Variants in TMTC1 observed in about 807,000 individuals in gnomAD.
TMTC1 encodes the protein protein O-mannosyl-transferase TMTC1.
In TMTC1, 73 loss-of-function variants were observed where a neutral mutation model predicts 104.8. The observed-to-expected ratio is 0.70, with a 90% CI of 0.58 to 0.85. The LOEUF (loss-of-function observed/expected upper bound fraction) is 0.85, where lower values mean the gene tolerates loss of function less well. TMTC1 is among the 40% of genes least tolerant of loss of function. The pLI is 0.00. For synonymous variants in TMTC1, 434 were observed against 428.7 expected, an observed-to-expected ratio of 1.01 and a Z score of -0.15; for missense variants, 1,035 against 1,096.1, an observed-to-expected ratio of 0.94 and a Z score of 0.79.
At chr12:29,579,174 A>C (rs1945907158) in intron 8 of TMTC1, among the ~76,000 whole-genome samples, 1 of 152,166 alleles carries the variant, frequency 6.6e-6, no homozygotes. Flanking sequence ...TGCTTAACCA[A>C]ATCAGTACCA....
chr12:29,726,097 G>C (rs569659536), intron 5 of TMTC1, among the ~76,000 whole-genome samples: 1 of 152,164 alleles, frequency 6.6e-6, no homozygotes, highest in Admixed American at 6.5e-5. Context: ...AACATACACC[G>C]TGTTCTGGTT....
At chr12:29,729,930 A>G (rs562247699) in intron 5 of TMTC1, among the ~76,000 whole-genome samples, 37 of 152,320 alleles carry the variant, frequency 2.4e-4, no homozygotes, top group Non-Finnish European at 5.0e-4. Flanking sequence ...AGGGATAAAT[A>G]TAATTTCCTC....
intron 2 of TMTC1, among the ~76,000 whole-genome samples, chr12:29,764,886 A>G (rs1346998991): frequency 2.6e-5 from 4 of 152,122 alleles, no homozygotes; most frequent in Non-Finnish European, 5.9e-5. Context: ...AACCTTAACC[A>G]GTTCCTGATC....
intron 3 of TMTC1, among the ~76,000 whole-genome samples, chr12:29,757,807 A>G (rs1943249814): frequency 6.6e-6 from 1 of 152,210 alleles, no homozygotes; most frequent in South Asian, 2.1e-4. Flanking sequence ...GGATGGCGGC[A>G]GGCAAAGAGA....
At chr12:29,532,662 T>TA (rs1209862188) in intron 11 of TMTC1, 3 of 151,464 alleles carry the variant, frequency 2.0e-5, no homozygotes, top group African/African-American at 7.3e-5. Context: ...AAGAGATGCA[T>TA]ATTAAAGAAT....
intron 9 of TMTC1, among the ~76,000 whole-genome samples, chr12:29,569,443 C>T (rs1352761668): frequency 6.6e-6 from 1 of 152,144 alleles, no homozygotes; most frequent in African/African-American, 2.4e-5. Context: ...TTGCATTTCC[C>T]TAATCACTCT....
At chr12:29,527,226 G>C (rs544392887) in intron 11 of TMTC1, among the ~76,000 whole-genome samples, 2 of 152,324 alleles carry the variant, frequency 1.3e-5, no homozygotes, top group South Asian at 4.1e-4. Flanking sequence ...TATTCCTTGA[G>C]GGAGAAGAGG....
chr12:29,746,253 T>A (rs1417447996), intron 5 of TMTC1, among the ~76,000 whole-genome samples: 3 of 152,226 alleles, frequency 2.0e-5, no homozygotes, highest in Non-Finnish European at 4.4e-5. Context: ...TTCAGTCATT[T>A]CATTTTTGAA....
chr12:29,597,469 C>G (rs1268032203), intron 7 of TMTC1, among the ~76,000 whole-genome samples: 7 of 151,806 alleles, frequency 4.6e-5, no homozygotes, highest in Non-Finnish European at 8.8e-5. Context: ...GCTTCCTGAC[C>G]ACTTTTGTAG....
intron 10 of TMTC1, among the ~76,000 whole-genome samples, chr12:29,554,592 GAC>G (rs1945189491): frequency 6.6e-6 from 1 of 152,176 alleles, no homozygotes; most frequent in Admixed American, 6.5e-5. Context: ...AAGCAGGCCA[GAC>G]ACAGTGTCTC....
chr12:29,507,027 C>T (rs749389536), intron 17 of TMTC1, 41 bp from the exon 18 acceptor site: 2 of 1,572,260 alleles, frequency 1.3e-6, no homozygotes, highest in Non-Finnish European at 1.8e-6. Context: ...TCTGATCCAT[C>T]ACAAAACTCT....
chr12:29,661,484 C>G, intron 5 of TMTC1: 1 of 203,894 alleles, frequency 4.9e-6, no homozygotes, highest in Non-Finnish European at 8.0e-6. Context: ...TGCAGTGGTG[C>G]GATCTCAGCT....
At position 29,517,498 on chromosome 12, in the gene TMTC1, C is replaced by T. The variant is rs544122742; in HGVS notation, c.2098G>A (p.Glu700Lys). 1.3e-5 allele frequency: 21 copies of T among 1,614,106 alleles called. No individual in the cohort carries two copies. Among genetic ancestry groups the T allele is most frequent in the East Asian group, 6.7e-5 (3 of 44,876 alleles). Reference sequence around the variant, plus strand: ...TCCTGGTAAATCTGCAAAGCCTCTTCGTATCGGCCAGTGTTGTAATACAGT... The same window carrying T: ...TCCTGGTAAATCTGCAAAGCCTCTTTGTATCGGCCAGTGTTGTAATACAGT... Reference protein sequence around the residue: ...GALYYNTGRYEEALQIYQEAA... With the variant: ...GALYYNTGRYKEALQIYQEAA... The change falls in exon 14 of 18, where the codon GAA becomes AAA. Residue 700 changes from glutamate (E) to lysine (K), a missense_variant. By Grantham distance (56) the Glu-to-Lys change is moderately conservative. Coordinates refer to ENST00000539277, the MANE Select transcript of TMTC1 (RefSeq NM_001193451.2).
chr12:29,638,255 A>C (rs1938655136), intron 5 of TMTC1, among the ~76,000 whole-genome samples: 1 of 152,112 alleles, frequency 6.6e-6, no homozygotes, highest in Non-Finnish European at 1.5e-5. Context: ...CACAGATACA[A>C]GTGGCTGGAC....
chr12:29,688,582 T>C (rs1941169497), intron 5 of TMTC1, among the ~76,000 whole-genome samples: 1 of 152,200 alleles, frequency 6.6e-6, no homozygotes, highest in African/African-American at 2.4e-5. Context: ...CACGCAGTGA[T>C]GTCTCCAAAG....
At chr12:29,724,294 CTGAG>C (rs1942320856) in intron 5 of TMTC1, among the ~76,000 whole-genome samples, 1 of 152,152 alleles carries the variant, frequency 6.6e-6, no homozygotes, top group African/African-American at 2.4e-5. Flanking sequence ...GCAAACTCTG[CTGAG>C]TGTGGTATAT....
intron 7 of TMTC1, among the ~76,000 whole-genome samples, chr12:29,599,589 CT>C (rs1036740357): frequency 6.6e-6 from 1 of 152,182 alleles, no homozygotes; most frequent in African/African-American, 2.4e-5. Flanking sequence ...TCATTCTGCA[CT>C]TTTCTTGTAA....
Position 29,751,786 on chromosome 12 carries a change from T to G in TMTC1, c.818A>C (p.Asn273Thr), listed in dbSNP as rs1192809743. The change falls in exon 5 of 18, where the codon AAT (asparagine) becomes ACT (threonine). Residue 273 changes from asparagine (N) to threonine (T), a missense_variant. Coordinates refer to ENST00000539277, the MANE Select transcript of TMTC1 (RefSeq NM_001193451.2). ...SSLPGHPHRE[N>T]GKQQRFPHKG... ...GTGAGGGAACCGCTGCTGCTTCCCA[T>G]TCTCCCGGTGAGGATGGCCTGGCAG... 1 of 1,613,644 alleles carries G rather than the reference T, an allele frequency of 6.2e-7. No homozygotes were observed. The highest frequency in any genetic ancestry group is 1.1e-5 in the South Asian group (1 of 90,980).
Position 29,502,746 on chromosome 12 carries a change from T to C in TMTC1, c.*4100A>G, listed in dbSNP as rs371982730. 116 of 152,354 alleles carry C rather than the reference T, an allele frequency of 7.6e-4. No homozygotes were observed. The highest frequency in any genetic ancestry group is 2.7e-3 in the African/African-American group (111 of 41,578). The allele number at this position is 152,354 out of a possible 1,614,324, so 9.4% of individuals were successfully genotyped here. On this transcript the variant is annotated 3_prime_UTR_variant, in exon 18 of 18. Coordinates refer to ENST00000539277, the MANE Select transcript of TMTC1 (RefSeq NM_001193451.2). ...CAAAAGATGATAAACATCTATTATT[T>C]TGTAAAAGTTACAAGCTCCCATTCC...
Sources: gnomAD v4.1 joint callset for allele counts (sites outside exome capture counted in the v4.1 genomes callset) on GRCh38, gnomAD v4.1.1 for gene constraint, MANE v1.5 for transcripts, NCBI Gene and HGNC (gene_info 2026-07-23, HGNC 2026-07-21) for gene names.